DNAI7: variants seen among roughly 807,000 people sequenced by gnomAD.
DNAI7 encodes dynein axonemal intermediate chain 7.
DNAI7 carries 78 observed loss-of-function variants against 86.6 expected under a neutral mutation model. That is an observed-to-expected ratio of 0.90 (90% CI 0.75 to 1.09). The LOEUF (loss-of-function observed/expected upper bound fraction) is 1.09. Among genes scored for constraint, DNAI7 ranks in the 50% least tolerant of loss-of-function variants. The pLI, the probability that DNAI7 is intolerant of heterozygous loss-of-function variation, is 0.00. For missense variants in DNAI7, 753 were observed against 810.2 expected, an observed-to-expected ratio of 0.93 and a Z score of 0.86; for synonymous variants, 274 against 273.0, an observed-to-expected ratio of 1.00 and a Z score of -0.04.
chr12:25,124,012 C>A (rs1182170538), intron 9 of DNAI7, among the ~76,000 whole-genome samples: 2 of 116,692 alleles, frequency 1.7e-5, no homozygotes, highest in Non-Finnish European at 3.9e-5. Flanking sequence ...TAGATAAATG[C>A]AGTGTTGCTA....
intron 6 of DNAI7, among the ~76,000 whole-genome samples, chr12:25,153,907 G>C (rs2140957287): frequency 6.6e-6 from 1 of 152,240 alleles, no homozygotes; most frequent in East Asian, 1.9e-4. Flanking sequence ...AGAATATTCT[G>C]ATTTGTCTTT....
At chr12:25,113,393 C>T (rs1442030876) in intron 13 of DNAI7, among the ~76,000 whole-genome samples, 1 of 152,082 alleles carries the variant, frequency 6.6e-6, no homozygotes, top group Non-Finnish European at 1.5e-5. Context: ...CCTCCGCCTC[C>T]CGGGTTCAAG....
chr12:25,121,792 A>G lies in DNAI7; in HGVS notation c.1200T>C (p.Pro400=). 6.2e-7 allele frequency: 1 copy of G among 1,608,402 alleles called. No homozygotes were observed. Among genetic ancestry groups the G allele is most frequent in the Non-Finnish European group, 8.5e-7 (1 of 1,178,664 alleles). ...ATCCCTTCACTGGTTTACACTGTGG[A>G]GGAAGCTCCAAAATATCCAAGTGGT... The part of the protein sequence containing the change: ...GVYHLDILEL[P]PQCKPVKGWM... The change falls in exon 11 of 16, where the codon CCT becomes CCC. Residue 400 remains proline, a synonymous_variant. Coordinates refer to ENST00000395987, the MANE Select transcript of DNAI7 (RefSeq NM_018272.5).
chr12:25,143,471 A>G (rs1944456599), intron 9 of DNAI7, among the ~76,000 whole-genome samples: 1 of 151,596 alleles, frequency 6.6e-6, no homozygotes, highest in Non-Finnish European at 1.5e-5. Flanking sequence ...GCTGGTCTCG[A>G]ACTCCTGACC....
intron 6 of DNAI7, among the ~76,000 whole-genome samples, 176 bp from the exon 7 acceptor site, chr12:25,149,950 C>A (rs980108737): frequency 4.0e-5 from 6 of 151,656 alleles, no homozygotes; most frequent in African/African-American, 7.3e-5. Context: ...CTCCCAAACT[C>A]CCTTAAAATT....
rs1416909553 is a variant in DNAI7 at position 25,119,371 on chromosome 12, A to G, written c.1240-70T>C. On this transcript the variant is annotated intron_variant, in intron 11 of 15. Coordinates refer to ENST00000395987, the MANE Select transcript of DNAI7 (RefSeq NM_018272.5). ...CAGTGAAAAATGTAAATAGTACTGA[A>G]TAAGTTATATAGTTATTTTTAATAA... The G allele has an allele frequency of 6.7e-6, 6 of 894,366 alleles. No individual in the cohort carries two copies. The East Asian group carries it at 1.5e-4, about 22-fold the overall frequency. 55.4% of individuals were successfully genotyped at this position (894,366 alleles called of 1,614,324 possible).
chr12:25,169,650 C>G (rs1315680720), intron 2 of DNAI7, among the ~76,000 whole-genome samples: 1 of 152,118 alleles, frequency 6.6e-6, no homozygotes, highest in African/African-American at 2.4e-5. Flanking sequence ...GAGTTCAAGA[C>G]CAGCCTGGCC....
chr12:25,155,496 A>C, intron 4 of DNAI7, 84 bp from the exon 5 acceptor site: 2 of 617,374 alleles, frequency 3.2e-6, no homozygotes, highest in Non-Finnish European at 5.6e-6. Flanking sequence ...TGACGTGGCT[A>C]AATATATAAC....
intron 9 of DNAI7, among the ~76,000 whole-genome samples, chr12:25,127,232 C>T (rs554436391): frequency 6.6e-6 from 1 of 152,262 alleles, no homozygotes; most frequent in South Asian, 2.1e-4. Flanking sequence ...CGTGCTCCCG[C>T]ACAAAAACTT....
intron 9 of DNAI7, among the ~76,000 whole-genome samples, chr12:25,125,951 A>G (rs1276570893): frequency 2.0e-5 from 3 of 151,984 alleles, no homozygotes; most frequent in African/African-American, 7.2e-5. Flanking sequence ...GGTCTCTCTT[A>G]TCTGTTCCAT....
intron 1 of DNAI7, 99 bp downstream of exon 1, chr12:25,194,977 G>C: frequency 1.2e-6 from 2 of 1,614,210 alleles, no homozygotes; most frequent in South Asian, 1.1e-5. Flanking sequence ...GACCCGCTTC[G>C]CTGTAAAATA....
chr12:25,182,939 A>AAGGAAGGGAGGAAGGGAGGAAGGG (rs142570982), intron 2 of DNAI7, among the ~76,000 whole-genome samples: 2 of 149,484 alleles, frequency 1.3e-5, no homozygotes, highest in South Asian at 4.3e-4. Context: ...AAAGGAATGA[A>AAGGAAGGGAGGAAGGGAGGAAGGG]AGGAAGGGAG....
chr12:25,127,331 G>A (rs118169812), intron 9 of DNAI7, among the ~76,000 whole-genome samples: 3,194 of 152,120 alleles, frequency 0.021, 55 homozygotes, highest in Non-Finnish European at 0.032. Context: ...TGGCAATGAA[G>A]CCAAAAAAAT....
chr12:25,114,792 G>A lies in DNAI7; in HGVS notation c.1475C>T (p.Thr492Ile), dbSNP rs775641201. 2 of 1,614,034 alleles carry A rather than the reference G, an allele frequency of 1.2e-6. No homozygotes were observed. Among genetic ancestry groups the A allele is most frequent in the Non-Finnish European group, 1.7e-6 (2 of 1,179,958 alleles). ...KERLVTFSLDTFGPVTLIQDA... is the reference protein window; with the variant it reads ...KERLVTFSLDIFGPVTLIQDA... ...TTGAATCAAGGTAACAGGGCCAAAGGTGTCCAGGCTGAATGTTACAAGTCT... is the reference window on the plus strand; with the variant it reads ...TTGAATCAAGGTAACAGGGCCAAAGATGTCCAGGCTGAATGTTACAAGTCT... The change falls in exon 13 of 16, where the codon ACC (threonine) becomes ATC (isoleucine). Residue 492 changes from threonine (T) to isoleucine (I), a missense_variant. Thr to Ile is a moderately conservative substitution (Grantham distance 89). Transcript: ENST00000395987.
intron 3 of DNAI7, among the ~76,000 whole-genome samples, chr12:25,160,333 T>C (rs1314691515): frequency 1.3e-5 from 2 of 152,272 alleles, no homozygotes; most frequent in Admixed American, 6.5e-5. Context: ...AGAATTAATA[T>C]GTCAGTATGT....
intron 12 of DNAI7, among the ~76,000 whole-genome samples, chr12:25,116,181 C>A (rs569941507): frequency 6.6e-6 from 1 of 150,876 alleles, no homozygotes; most frequent in East Asian, 2.0e-4. Context: ...CTACTTAGCT[C>A]TCTTTCCTGC....
Position 25,119,165 on chromosome 12 carries a change from A to G in DNAI7, c.1376T>C (p.Val459Ala), listed in dbSNP as rs138898061. 1.3e-4 allele frequency: 207 copies of G among 1,605,276 alleles called. No individual in the cohort carries two copies. The highest frequency in any genetic ancestry group is 1.7e-4 in the Non-Finnish European group (203 of 1,177,710). The change falls in exon 12 of 16, where the codon GTT becomes GCT. Residue 459 changes from valine (V) to alanine (A), a missense_variant. Val to Ala is a moderately conservative substitution (Grantham distance 64, BLOSUM62 0). Transcript: ENST00000395987. The part of the protein sequence containing the change: ...ENVIFFEDPV[V>A]VRWDAEGKHW... ...TGTACCTTCAGCATCCCACCTTACA[A>G]CCACAGGATCCTCAAAAAAGATTAC...
rs546028199 is a variant in DNAI7, at chr12:25,111,660, G to C, written c.1779+112C>G. ...TTTTCACTTATTTCTTTATAATACT[G>C]TATAAATGAATATATAAAATACAGT... is the stretch of plus-strand genomic sequence containing the variant. On this transcript the variant is annotated intron_variant, in intron 14 of 15. Transcript: ENST00000395987. The C allele has an allele frequency of 1.2e-5, 6 of 480,214 alleles. No homozygotes were observed. The African/African-American group carries it at 1.2e-4, about 10-fold the overall frequency. The allele number at this position is 480,214 out of a possible 1,614,324, so 29.7% of individuals were successfully genotyped here.
At chr12:25,174,681 T>TATATATATGGAATATAGATATC (rs1555181846) in intron 2 of DNAI7, among the ~76,000 whole-genome samples, 38 of 59,030 alleles carry the variant, frequency 6.4e-4, no homozygotes, top group African/African-American at 1.9e-3. Flanking sequence ...ATATATATCA[T>TATATATATGGAATATAGATATC]ATATATATGG....
Sources: allele counts gnomAD v4.1 joint callset (sites outside exome capture counted in the v4.1 genomes callset), GRCh38; gene constraint gnomAD v4.1.1; transcripts MANE v1.5; gene names NCBI Gene and HGNC (gene_info 2026-07-23, HGNC 2026-07-21).